Variants in LRP1B observed in about 807,000 individuals in gnomAD.
The protein encoded by LRP1B is LDL receptor related protein 1B, also known as low-density lipoprotein receptor-related protein 1B.
Under a neutral mutation model 556.6 loss-of-function variants are expected in LRP1B, and 217 were observed. The observed-to-expected ratio is 0.39, with a 90% CI of 0.35 to 0.44. The LOEUF is 0.44. LRP1B is among the 20% of genes least tolerant of loss of function. The pLI, the probability that LRP1B is intolerant of heterozygous loss-of-function variation, is 1.00. For missense variants in LRP1B, 5,053 were observed against 5,620.8 expected, an observed-to-expected ratio of 0.90 and a Z score of 3.23; for synonymous variants, 2,047 against 1,865.8, an observed-to-expected ratio of 1.10 and a Z score of -2.50.
Position 142,007,572 on chromosome 2 carries a change from A to G in LRP1B, c.82+123076T>C, listed in dbSNP as rs1017789072. ...GAAGCCAGCCAGAAGGAAAGAATCT[A>G]TTTATTTTTTCTACCTCTGACAGCT... On this transcript the variant is annotated intron_variant, in intron 1 of 90. Transcript: ENST00000389484. Among the ~76,000 whole-genome samples, 3 of 152,110 alleles carry G rather than the reference A, an allele frequency of 2.0e-5. No homozygotes were observed. In the East Asian group the frequency reaches 5.8e-4, roughly 29 times the overall value.
intron 79 of LRP1B, among the ~76,000 whole-genome samples, chr2:140,333,168 T>G (rs1680898225): frequency 6.6e-6 from 1 of 152,056 alleles, no homozygotes; most frequent in South Asian, 2.1e-4. Context: ...CTTAAAAAAC[T>G]CTTTCCTCAT....
At chr2:141,966,028 G>A (rs914992643) in intron 1 of LRP1B, among the ~76,000 whole-genome samples, 7 of 151,632 alleles carry the variant, frequency 4.6e-5, no homozygotes, top group South Asian at 4.1e-4. Flanking sequence ...AAATCAACAC[G>A]CATCCAACTC....
intron 1 of LRP1B, among the ~76,000 whole-genome samples, chr2:141,997,444 TACACACACACAC>T (rs148682019): frequency 1.5e-5 from 2 of 137,254 alleles, no homozygotes; most frequent in Non-Finnish European, 1.6e-5. Flanking sequence ...TGTGTGTATA[TACACACACACAC>T]ACACACACAC....
chr2:140,430,731 G>A (rs1685895529), intron 66 of LRP1B, among the ~76,000 whole-genome samples: 1 of 152,092 alleles, frequency 6.6e-6, no homozygotes, highest in African/African-American at 2.4e-5. Context: ...CCTCTTCCAT[G>A]TAGGTTACAA....
intron 3 of LRP1B, among the ~76,000 whole-genome samples, chr2:141,444,345 G>A (rs144055609): frequency 0.23 from 35,485 of 152,080 alleles, 4,870 homozygotes; most frequent in Non-Finnish European, 0.31. Context: ...AGACAATGGG[G>A]TTTTCTAAAT....
intron 3 of LRP1B, among the ~76,000 whole-genome samples, chr2:141,373,848 T>C (rs1450902791): frequency 6.6e-6 from 1 of 152,090 alleles, no homozygotes; most frequent in Non-Finnish European, 1.5e-5. Flanking sequence ...TTCCTTCCTT[T>C]TCTCTTTGTT....
Position 140,541,971 on chromosome 2 carries a change from C to T in LRP1B, c.7195G>A (p.Val2399Met). The T allele has an allele frequency of 1.3e-6, 2 of 1,592,520 alleles. No homozygotes were observed. Among genetic ancestry groups the T allele is most frequent in the East Asian group, 2.2e-5 (1 of 44,448 alleles). The change falls in exon 44 of 91, where the codon GTG becomes ATG. Residue 2399 changes from valine (V) to methionine (M), a missense_variant and splice_region_variant. Transcript: ENST00000389484. The part of the protein sequence containing the change: ...RCEYDGSQRH[V>M]IVKSGPGTFL... ...GTCCCTGGCCCAGATTTAACTATCA[C>T]CTGAAATAAATTAAAATACTGTATT... is the stretch of plus-strand genomic sequence containing the variant.
intron 6 of LRP1B, among the ~76,000 whole-genome samples, chr2:141,214,631 T>A (rs1195472867): frequency 6.6e-6 from 1 of 152,220 alleles, no homozygotes; most frequent in Non-Finnish European, 1.5e-5. Context: ...TAATCTTGTT[T>A]AATTATAACT....
chr2:141,373,893 C>T, intron 3 of LRP1B, among the ~76,000 whole-genome samples: 1 of 151,904 alleles, frequency 6.6e-6, no homozygotes, highest in Admixed American at 6.6e-5. Context: ...GAGATTCTGT[C>T]ATGTTGCCAT....
rs1443862370 is a variant in LRP1B, at chr2:140,702,411, A to G, written c.6150+16T>C. The G allele has an allele frequency of 6.2e-7, 1 of 1,612,490 alleles. No individual in the cohort carries two copies. On this transcript the variant is annotated intron_variant, in intron 38 of 90. Transcript: ENST00000389484. ...CAGTTAAGGCACTTTAAATACTGAA[A>G]AGAAATCCAACAGACCTCATAGTCG...
chr2:140,583,179 T>C (rs572907425), intron 43 of LRP1B, among the ~76,000 whole-genome samples: 45 of 142,190 alleles, frequency 3.2e-4, no homozygotes, highest in Middle Eastern at 3.5e-3. Context: ...TTCTTTTTTT[T>C]TTTTTTTTTT....
At chr2:140,268,805 T>A (rs28691865) in intron 86 of LRP1B, among the ~76,000 whole-genome samples, 49,921 of 151,546 alleles carry the variant, frequency 0.33, 8,699 homozygotes, top group African/African-American at 0.43. Flanking sequence ...GTAAAAAAGG[T>A]CTTACTCTAA....
Position 140,963,443 on chromosome 2 carries a change from TTATATA to T in LRP1B, c.2888-11509_2888-11504del, listed in dbSNP as rs140209072. Among the ~76,000 whole-genome samples, 33 of 145,664 alleles carry T rather than the reference TTATATA, an allele frequency of 2.3e-4. No homozygotes were observed. In the East Asian group the frequency reaches 4.5e-3, roughly 20 times the overall value. On this transcript the variant is annotated intron_variant, in intron 18 of 90. Transcript: ENST00000389484. ...TGTGTGTGTGCATGTACATGCATAT[TTATATA>T]TATATATATATTTTTAACCAATGGA...
chr2:141,440,863 CT>C, intron 3 of LRP1B, among the ~76,000 whole-genome samples: 1 of 152,246 alleles, frequency 6.6e-6, no homozygotes, highest in African/African-American at 2.4e-5. Flanking sequence ...AATCCCATCC[CT>C]CCACCACACA....
intron 41 of LRP1B, among the ~76,000 whole-genome samples, chr2:140,675,812 ATGTG>A (rs1685652209): frequency 6.6e-6 from 1 of 152,234 alleles, no homozygotes; most frequent in African/African-American, 2.4e-5. Context: ...AAATAGATGT[ATGTG>A]TGTGTGCATA....
At chr2:140,618,969 A>G (rs557585653) in intron 41 of LRP1B, among the ~76,000 whole-genome samples, 23 of 152,220 alleles carry the variant, frequency 1.5e-4, no homozygotes, top group African/African-American at 5.5e-4. Context: ...CTCAATTCAC[A>G]TATCCAAAAT....
At chr2:140,620,098 T>C (rs1463368341) in intron 41 of LRP1B, among the ~76,000 whole-genome samples, 1 of 152,156 alleles carries the variant, frequency 6.6e-6, no homozygotes, top group African/African-American at 2.4e-5. Context: ...GTAAATTATA[T>C]TTTTTTAAGA....
intron 8 of LRP1B, among the ~76,000 whole-genome samples, chr2:141,061,400 T>C (rs1318444009): frequency 6.6e-6 from 1 of 151,694 alleles, no homozygotes; most frequent in South Asian, 2.1e-4. Context: ...TGAGATAAAA[T>C]CAGATTTTTA....
intron 7 of LRP1B, among the ~76,000 whole-genome samples, chr2:141,143,119 C>T (rs183674884): frequency 1.1e-3 from 174 of 151,850 alleles, no homozygotes; most frequent in African/African-American, 4.1e-3. Flanking sequence ...TTAGTAAAGA[C>T]GGGGTTTCAC....
Sources: allele counts gnomAD v4.1 joint callset (sites outside exome capture counted in the v4.1 genomes callset), GRCh38; gene constraint gnomAD v4.1.1; transcripts MANE v1.5; gene names NCBI Gene and HGNC (gene_info 2026-07-23, HGNC 2026-07-21).